ATG10: variants seen among roughly 807,000 people sequenced by gnomAD.
The protein encoded by ATG10 is ubiquitin-like-conjugating enzyme ATG10.
A neutral mutation model predicts 32.1 loss-of-function variants in ATG10; 30 were observed. That is an observed-to-expected ratio of 0.94 (90% CI 0.70 to 1.27). The LOEUF is 1.27. Ranked by LOEUF, ATG10 falls within the 50% of genes most tolerant of loss-of-function variation. ATG10 has a pLI of 0.00. For synonymous variants in ATG10, 87 were observed against 91.5 expected, an observed-to-expected ratio of 0.95 and a Z score of 0.28; for missense variants, 233 against 262.3, an observed-to-expected ratio of 0.89 and a Z score of 0.77.
chr5:81,993,425 T>TTTCTG (rs1761565038), intron 2 of ATG10, among the ~76,000 whole-genome samples: 1 of 140,938 alleles, frequency 7.1e-6, no homozygotes, highest in Non-Finnish European at 1.5e-5. Flanking sequence ...TTTCTTTTCT[T>TTTCTG]TCCTTCTTTC....
intron 3 of ATG10, among the ~76,000 whole-genome samples, chr5:82,129,330 A>C (rs1766416455): frequency 6.6e-6 from 1 of 151,910 alleles, no homozygotes; most frequent in Non-Finnish European, 1.5e-5. Context: ...CCACCTTCTG[A>C]AGCCTACTTC....
At chr5:82,021,577 G>C (rs540227353) in intron 2 of ATG10, among the ~76,000 whole-genome samples, 1 of 152,326 alleles carries the variant, frequency 6.6e-6, no homozygotes, top group Non-Finnish European at 1.5e-5. Flanking sequence ...GTTCAAAGCA[G>C]ATGTAGTTTA....
At chr5:82,070,394 G>A (rs865911978) in intron 3 of ATG10, among the ~76,000 whole-genome samples, 2 of 152,064 alleles carry the variant, frequency 1.3e-5, no homozygotes, top group Non-Finnish European at 2.9e-5. Context: ...ATTATTAATT[G>A]TTCTCTTTCC....
At chr5:82,146,608 C>G (rs1000647907) in intron 3 of ATG10, among the ~76,000 whole-genome samples, 1 of 148,970 alleles carries the variant, frequency 6.7e-6, no homozygotes, top group African/African-American at 2.5e-5. Context: ...TGTTCATTTT[C>G]TTTTGTTTTT....
intron 3 of ATG10, among the ~76,000 whole-genome samples, chr5:82,116,083 C>T (rs1313130470): frequency 6.6e-6 from 1 of 152,016 alleles, no homozygotes. Flanking sequence ...TGACATTTCT[C>T]ATTTTGAAAT....
intron 3 of ATG10, among the ~76,000 whole-genome samples, chr5:82,069,015 T>G (rs1054813021): frequency 6.6e-6 from 1 of 151,638 alleles, no homozygotes; most frequent in Admixed American, 6.6e-5. Flanking sequence ...TCACAAAAGA[T>G]TAAGTAGAAT....
chr5:82,015,165 C>T (rs1271740623), intron 2 of ATG10, among the ~76,000 whole-genome samples: 5 of 152,174 alleles, frequency 3.3e-5, no homozygotes, highest in Non-Finnish European at 7.4e-5. Flanking sequence ...TCCACTCTCT[C>T]CTGGCTTGTA....
At chr5:82,054,473 C>T (rs1220772155) in intron 2 of ATG10, among the ~76,000 whole-genome samples, 1 of 152,198 alleles carries the variant, frequency 6.6e-6, no homozygotes, top group Non-Finnish European at 1.5e-5. Flanking sequence ...GTGCAAAGCA[C>T]TGGCCCACAC....
At chr5:82,044,326 G>A (rs1011868744) in intron 2 of ATG10, among the ~76,000 whole-genome samples, 1 of 152,088 alleles carries the variant, frequency 6.6e-6, no homozygotes, top group African/African-American at 2.4e-5. Flanking sequence ...CCAACCCCAT[G>A]ATCCGTTTAC....
intron 5 of ATG10, among the ~76,000 whole-genome samples, chr5:82,202,818 T>C (rs1043993542): frequency 7.9e-5 from 12 of 152,322 alleles, no homozygotes; most frequent in Non-Finnish European, 7.4e-5. Flanking sequence ...CCTTTTCCAG[T>C]TCCCCTGGCC....
intron 1 of ATG10, among the ~76,000 whole-genome samples, chr5:81,976,767 G>A (rs879475744): frequency 4.6e-5 from 7 of 152,148 alleles, no homozygotes; most frequent in Non-Finnish European, 8.8e-5. Context: ...AAGCTTGTGG[G>A]AGTTATTTAT....
intron 3 of ATG10, among the ~76,000 whole-genome samples, chr5:82,130,663 C>G (rs544086656): frequency 1.3e-5 from 2 of 152,092 alleles, no homozygotes; most frequent in Non-Finnish European, 2.9e-5. Context: ...GCTAGCCCTC[C>G]GTGGGCTGCA....
At chr5:82,146,589 C>T (rs908626772) in intron 3 of ATG10, among the ~76,000 whole-genome samples, 3 of 151,218 alleles carry the variant, frequency 2.0e-5, no homozygotes, top group African/African-American at 7.3e-5. Flanking sequence ...CCACATGTCC[C>T]AAATACTTTG....
intron 2 of ATG10, chr5:82,009,500 A>G: frequency 5.0e-6 from 5 of 1,006,308 alleles, no homozygotes; most frequent in Middle Eastern, 3.2e-4. Flanking sequence ...CGAGAGCACA[A>G]AGATTCTAGG....
At chr5:82,056,330 G>A (rs955212812) in intron 2 of ATG10, among the ~76,000 whole-genome samples, 2 of 151,612 alleles carry the variant, frequency 1.3e-5, no homozygotes, top group Non-Finnish European at 2.9e-5. Context: ...TATGGTTGGT[G>A]TAAATAATGT....
chr5:82,136,756 C>T (rs141127842), intron 3 of ATG10, among the ~76,000 whole-genome samples: 9 of 152,046 alleles, frequency 5.9e-5, no homozygotes, highest in Non-Finnish European at 2.9e-5. Flanking sequence ...GAGTGTTGGC[C>T]TGTTTTGCTA....
chr5:82,009,221 A>G (rs899978288), intron 2 of ATG10, among the ~76,000 whole-genome samples: 2 of 152,188 alleles, frequency 1.3e-5, no homozygotes, highest in African/African-American at 4.8e-5. Context: ...TTTTTAAAGT[A>G]TTAATTACTG....
At chr5:82,211,322 T>C (rs1443423923) in intron 5 of ATG10, among the ~76,000 whole-genome samples, 2 of 152,206 alleles carry the variant, frequency 1.3e-5, no homozygotes, top group Admixed American at 1.3e-4. Flanking sequence ...GATTTTATTA[T>C]TTCTTATATA....
chr5:82,142,284 G>A (rs546641115), intron 3 of ATG10, among the ~76,000 whole-genome samples: 2 of 152,262 alleles, frequency 1.3e-5, no homozygotes, highest in Non-Finnish European at 2.9e-5. Context: ...AGTAAGATAT[G>A]TACTAGTACG....
Sources: allele counts gnomAD v4.1 joint callset (sites outside exome capture counted in the v4.1 genomes callset), GRCh38; gene constraint gnomAD v4.1.1; transcripts MANE v1.5; gene names NCBI Gene and HGNC (gene_info 2026-07-23, HGNC 2026-07-21).